Variants in ANK3 observed in about 807,000 individuals in gnomAD.
ANK3 encodes the protein ankyrin-3.
Under a neutral mutation model 370.9 loss-of-function variants are expected in ANK3, and 57 were observed. That is an observed-to-expected ratio of 0.15 (90% CI 0.12 to 0.19). The LOEUF is 0.19. Among genes scored for constraint, ANK3 ranks in the 10% least tolerant of loss-of-function variants. The pLI, the probability that ANK3 is intolerant of heterozygous loss-of-function variation, is 1.00. For synonymous variants in ANK3, 1,929 were observed against 1,946.3 expected (o/e 0.99, Z 0.23); for missense variants, 4,439 against 5,302.1 (o/e 0.84, Z 5.06).
chr10:60,656,754 CTAATT>C (rs2078869597), intron 1 of ANK3, among the ~76,000 whole-genome samples: 2 of 151,888 alleles, frequency 1.3e-5, no homozygotes, highest in Non-Finnish European at 1.5e-5. Context: ...CTCAAAATAT[CTAATT>C]TCTTTTTTTT....
rs568053112 is a variant in ANK3 at position 60,071,682 on chromosome 10, C to T, written c.9199G>A (p.Asp3067Asn). 8.9e-5 allele frequency: 143 copies of T among 1,602,858 alleles called. 1 individual carries two copies. Among genetic ancestry groups the T allele is most frequent in the South Asian group, 5.8e-4 (51 of 88,470 alleles). ...TCCAATCCATCAATGGGACTGTGGTCGAATACATCACTAGAGGGAGATTCC... is the reference window on the plus strand; with the variant it reads ...TCCAATCCATCAATGGGACTGTGGTTGAATACATCACTAGAGGGAGATTCC... ...GKESPSSDVF[D>N]HSPIDGLEKL... Residue 3067 changes from aspartate to asparagine, a missense_variant, in exon 37 of 44, where the codon GAC becomes AAC. This residue lies in a region of ANK3 where 1,601 missense variants were observed against 1,731.7 expected (regional missense o/e 0.92). Transcript: ENST00000280772.
At chr10:60,581,065 T>A (rs1310236427) in intron 2 of ANK3, among the ~76,000 whole-genome samples, 1 of 152,238 alleles carries the variant, frequency 6.6e-6, no homozygotes, top group Non-Finnish European at 1.5e-5. Context: ...CTCATATGTA[T>A]GTCTTATGTG....
At chr10:60,404,567 G>A (rs2132911927) in intron 2 of ANK3, among the ~76,000 whole-genome samples, 1 of 152,178 alleles carries the variant, frequency 6.6e-6, no homozygotes, top group African/African-American at 2.4e-5. Flanking sequence ...CACACTACAA[G>A]TAATCCAAGA....
intron 1 of ANK3, among the ~76,000 whole-genome samples, chr10:60,343,064 A>G (rs1042527533): frequency 2.0e-5 from 3 of 152,188 alleles, no homozygotes; most frequent in African/African-American, 7.2e-5. Context: ...CAGGCAAGCA[A>G]TCAAGGACAG....
At chr10:60,507,361 A>C (rs1017842586) in intron 2 of ANK3, 18 of 152,088 alleles carry the variant, frequency 1.2e-4, no homozygotes, top group African/African-American at 4.1e-4. Flanking sequence ...AAAATGAAAT[A>C]GGTTAGCATT....
At chr10:60,559,874 C>T (rs2077294312) in intron 2 of ANK3, among the ~76,000 whole-genome samples, 1 of 152,128 alleles carries the variant, frequency 6.6e-6, no homozygotes, top group South Asian at 2.1e-4. Context: ...GAAACCCCAT[C>T]TCTACTAAAT....
intron 2 of ANK3, among the ~76,000 whole-genome samples, chr10:60,402,055 A>G (rs920407602): frequency 2.0e-5 from 3 of 152,208 alleles, no homozygotes; most frequent in African/African-American, 7.2e-5. Flanking sequence ...TATATTATCT[A>G]TGCTATGTTT....
intron 2 of ANK3, 94 bp from the exon 3 acceptor site, chr10:60,279,242 C>T (rs2098129858): frequency 1.9e-6 from 2 of 1,079,554 alleles, no homozygotes; most frequent in Non-Finnish European, 2.8e-6. Context: ...TAAAGTCCCA[C>T]CTGATGATCA....
rs80211862 is a variant in ANK3, at chr10:60,336,119, G to A, written c.114+53306C>T. Among the ~76,000 whole-genome samples, 817 of 152,098 alleles carry A rather than the reference G, an allele frequency of 5.4e-3. 5 individuals are homozygous for A. Among genetic ancestry groups the A allele is most frequent in the South Asian group, 0.015 (71 of 4,810 alleles). ...GGGGGGAAGCTGGTGCCAAGGAGCA[G>A]GCAAAAGTCACATTGGGGCAGGTTG... On this transcript the variant is annotated intron_variant, in intron 1 of 43. Coordinates refer to ENST00000280772, the MANE Select transcript of ANK3 (RefSeq NM_020987.5).
At chr10:60,303,333 A>AG (rs1299285126) in intron 1 of ANK3, among the ~76,000 whole-genome samples, 2 of 152,168 alleles carry the variant, frequency 1.3e-5, no homozygotes, top group Non-Finnish European at 2.9e-5. Flanking sequence ...ATATCCAAAA[A>AG]ATATAATGAA....
intron 1 of ANK3, among the ~76,000 whole-genome samples, chr10:60,652,060 A>G (rs1470553261): frequency 6.6e-6 from 1 of 152,136 alleles, no homozygotes; most frequent in Non-Finnish European, 1.5e-5. Context: ...AGTGAGTTCA[A>G]AGACTATACT....
intron 1 of ANK3, among the ~76,000 whole-genome samples, chr10:60,367,185 T>G (rs1253347218): frequency 6.6e-6 from 1 of 152,200 alleles, no homozygotes; most frequent in African/African-American, 2.4e-5. Context: ...ATTACTGAGA[T>G]AGATGGCACA....
chr10:60,585,793 G>A (rs1472920667), intron 2 of ANK3, among the ~76,000 whole-genome samples: 1 of 152,172 alleles, frequency 6.6e-6, no homozygotes, highest in Non-Finnish European at 1.5e-5. Flanking sequence ...GGGGGCCAAG[G>A]TGGGTGGATC....
chr10:60,248,046 T>C (rs771061494), intron 7 of ANK3, among the ~76,000 whole-genome samples: 1 of 152,250 alleles, frequency 6.6e-6, no homozygotes, highest in African/African-American at 2.4e-5. Flanking sequence ...AATGTTCCAG[T>C]GTATGGATGT....
chr10:60,490,018 C>T (rs2075452444), intron 2 of ANK3, among the ~76,000 whole-genome samples: 1 of 148,276 alleles, frequency 6.7e-6, no homozygotes, highest in South Asian at 2.2e-4. Flanking sequence ...AATTCCCTGC[C>T]TAGTGCACAC....
chr10:60,684,597 T>G (rs1327651299), intron 1 of ANK3: 2 of 1,589,458 alleles, frequency 1.3e-6, no homozygotes, highest in African/African-American at 1.3e-5. Context: ...TGGACTGTGC[T>G]GGAAAGACAA....
chr10:60,541,469 C>A (rs2076847389), intron 2 of ANK3, among the ~76,000 whole-genome samples: 1 of 151,970 alleles, frequency 6.6e-6, no homozygotes, highest in East Asian at 1.9e-4. Context: ...ATTACGTTTT[C>A]TTTCTTTTTA....
chr10:60,297,788 AATATT>A (rs1354790164), intron 1 of ANK3, among the ~76,000 whole-genome samples: 1 of 152,266 alleles, frequency 6.6e-6, no homozygotes, highest in East Asian at 1.9e-4. Context: ...TTGGTAAGTA[AATATT>A]ATATTTACTA....
intron 2 of ANK3, among the ~76,000 whole-genome samples, chr10:60,583,209 A>G (rs949365042): frequency 1.3e-5 from 2 of 152,200 alleles, no homozygotes; most frequent in African/African-American, 2.4e-5. Flanking sequence ...ATTTGCAGCA[A>G]TGTGGATGAA....
Sources: gnomAD v4.1 joint callset for allele counts (sites outside exome capture counted in the v4.1 genomes callset) on GRCh38, gnomAD v4.1.1 for gene constraint, gnomAD v4.1.1 regional missense constraint, MANE v1.5 for transcripts, NCBI Gene and HGNC (gene_info 2026-07-23, HGNC 2026-07-21) for gene names.